The following ZBTB46 variants were observed in gnomAD, a reference collection of about 807,000 sequenced individuals.
The protein encoded by ZBTB46 is zinc finger and BTB domain containing 46.
A neutral mutation model predicts 44.1 loss-of-function variants in ZBTB46; 8 were observed. The ratio of observed to expected loss-of-function variants is 0.18; its 90% CI spans 0.11 to 0.33. The LOEUF is 0.33. ZBTB46 is among the 10% of genes least tolerant of loss of function. The pLI is 1.00. For synonymous variants in ZBTB46, 409 were observed against 382.3 expected (o/e 1.07, Z -0.81); for missense variants, 651 against 847.7 (o/e 0.77, Z 2.88).
At chr20:63,817,773 G>A (rs1367275284) in intron 1 of ZBTB46, among the ~76,000 whole-genome samples, 1 of 151,900 alleles carries the variant, frequency 6.6e-6, no homozygotes, top group African/African-American at 2.4e-5. Context: ...GACACCCGCA[G>A]GGGAGACTGT....
intron 1 of ZBTB46, among the ~76,000 whole-genome samples, chr20:63,822,413 C>T (rs1444599542): frequency 6.6e-6 from 1 of 152,182 alleles, no homozygotes; most frequent in Non-Finnish European, 1.5e-5. Context: ...CACGTGTACA[C>T]GCATGCAAAA....
At chr20:63,801,885 A>T (rs1459590212) in intron 1 of ZBTB46, among the ~76,000 whole-genome samples, 1 of 152,186 alleles carries the variant, frequency 6.6e-6, no homozygotes, top group Non-Finnish European at 1.5e-5. Flanking sequence ...CGAGCTCATC[A>T]GATTATGCTC....
intron 1 of ZBTB46, among the ~76,000 whole-genome samples, chr20:63,797,426 A>G (rs1264746508): frequency 6.6e-6 from 1 of 152,140 alleles, no homozygotes; most frequent in Non-Finnish European, 1.5e-5. Context: ...GGTTGGTTCC[A>G]AGTCTTTACT....
chr20:63,795,791 C>T (rs1284703209), intron 1 of ZBTB46, among the ~76,000 whole-genome samples: 4 of 152,234 alleles, frequency 2.6e-5, no homozygotes, highest in African/African-American at 9.6e-5. Flanking sequence ...CTCCTCCTCC[C>T]TGGGTCAGCT....
chr20:63,798,685 A>ACAAAAAAAAAAAAAAAAAAC (rs2092621494), intron 1 of ZBTB46, among the ~76,000 whole-genome samples: 3 of 127,954 alleles, frequency 2.3e-5, no homozygotes, highest in African/African-American at 9.6e-5. Flanking sequence ...AAAAAAAAAA[A>ACAAAAAAAAAAAAAAAAAAC]AAAAAAAATT....
At chr20:63,794,866 C>T (rs2092588937) in intron 1 of ZBTB46, among the ~76,000 whole-genome samples, 1 of 152,108 alleles carries the variant, frequency 6.6e-6, no homozygotes, top group South Asian at 2.1e-4. Flanking sequence ...AGGACACACA[C>T]CTGTTTGCTG....
chr20:63,795,310 G>T (rs939639246), intron 1 of ZBTB46, among the ~76,000 whole-genome samples: 4 of 152,228 alleles, frequency 2.6e-5, no homozygotes, highest in African/African-American at 9.6e-5. Flanking sequence ...TGCAGGTGCT[G>T]GGGGCACAAA....
chr20:63,827,469 G>A (rs1435664624), intron 1 of ZBTB46, among the ~76,000 whole-genome samples: 8 of 151,724 alleles, frequency 5.3e-5, no homozygotes, highest in Admixed American at 1.3e-4. Flanking sequence ...TTAGCCGGGC[G>A]CGGTGGCGGG....
chr20:63,801,773 T>C (rs1327280345), intron 1 of ZBTB46, among the ~76,000 whole-genome samples: 1 of 152,124 alleles, frequency 6.6e-6, no homozygotes, highest in East Asian at 1.9e-4. Flanking sequence ...CGAGAGTCCA[T>C]GGCTTCATTC....
At chr20:63,755,489 C>T (rs1485110333) in intron 3 of ZBTB46, among the ~76,000 whole-genome samples, 1 of 152,224 alleles carries the variant, frequency 6.6e-6, no homozygotes. Flanking sequence ...CTTAGAAGGA[C>T]ACTTGTGATT....
intron 4 of ZBTB46, among the ~76,000 whole-genome samples, chr20:63,748,845 C>T (rs1454522652): frequency 6.6e-6 from 1 of 152,238 alleles, no homozygotes; most frequent in Non-Finnish European, 1.5e-5. Context: ...CAGTTTTCTC[C>T]CATGAGCAAG....
chr20:63,750,031 C>A (rs1409118960), intron 4 of ZBTB46, among the ~76,000 whole-genome samples: 1 of 152,250 alleles, frequency 6.6e-6, no homozygotes, highest in African/African-American at 2.4e-5. Flanking sequence ...GGGGGCCCTG[C>A]CCCAGCCACT....
intron 1 of ZBTB46, among the ~76,000 whole-genome samples, chr20:63,799,946 C>A (rs1170673564): frequency 6.6e-6 from 1 of 152,196 alleles, no homozygotes; most frequent in Non-Finnish European, 1.5e-5. Context: ...CGGTACCTAC[C>A]CGAGAAGCAA....
chr20:63,748,998 G>C (rs375220258), intron 4 of ZBTB46, among the ~76,000 whole-genome samples: 3 of 152,312 alleles, frequency 2.0e-5, no homozygotes, highest in African/African-American at 7.2e-5. Flanking sequence ...TCAGTGTTCC[G>C]AATCCACAGG....
At chr20:63,801,105 C>T (rs1385985599) in intron 1 of ZBTB46, among the ~76,000 whole-genome samples, 2 of 151,914 alleles carry the variant, frequency 1.3e-5, no homozygotes, top group Admixed American at 6.5e-5. Flanking sequence ...AATCAGTACC[C>T]TGTGTCTAGC....
chr20:63,786,701 G>T (rs546671796), intron 2 of ZBTB46, among the ~76,000 whole-genome samples: 2 of 152,160 alleles, frequency 1.3e-5, no homozygotes, highest in South Asian at 2.1e-4. Context: ...TAGTAGAGAC[G>T]GGGTTTCACC....
intron 1 of ZBTB46, among the ~76,000 whole-genome samples, chr20:63,821,106 T>C (rs1438964760): frequency 6.6e-6 from 1 of 151,738 alleles, no homozygotes; most frequent in African/African-American, 2.4e-5. Flanking sequence ...TTGGCCAAGA[T>C]GGTCTCAATC....
intron 3 of ZBTB46, among the ~76,000 whole-genome samples, chr20:63,759,262 C>A (rs1056620143): frequency 8.2e-6 from 1 of 122,102 alleles, no homozygotes; most frequent in African/African-American, 3.7e-5. Context: ...CGTACATTGG[C>A]TGTATATCCA....
At chr20:63,801,838 G>A (rs959555550) in intron 1 of ZBTB46, among the ~76,000 whole-genome samples, 56 of 152,112 alleles carry the variant, frequency 3.7e-4, no homozygotes, top group Non-Finnish European at 3.4e-4. Context: ...GGGACGGCCT[G>A]TGTCTCCAAA....
Sources: allele counts gnomAD v4.1 joint callset (sites outside exome capture counted in the v4.1 genomes callset), GRCh38; gene constraint gnomAD v4.1.1; transcripts MANE v1.5; gene names NCBI Gene and HGNC (gene_info 2026-07-23, HGNC 2026-07-21).